ZNF652: variants seen among roughly 807,000 people sequenced by gnomAD.
ZNF652 encodes the protein zinc finger protein 652.
In ZNF652, 16 loss-of-function variants were observed where a neutral mutation model predicts 45.2. The observed-to-expected ratio is 0.35, with a 90% CI of 0.24 to 0.54. The LOEUF (loss-of-function observed/expected upper bound fraction) is 0.54, where lower values mean the gene tolerates loss of function less well. Ranked by LOEUF, ZNF652 falls within the 20% of genes least tolerant of loss-of-function variation. The probability of loss-of-function intolerance (pLI) is 0.91; values close to 1 mark genes in which losing one functional copy is unlikely to be tolerated. For missense variants in ZNF652, 614 were observed against 765.6 expected (o/e 0.80, Z 2.34); for synonymous variants, 250 against 260.6 (o/e 0.96, Z 0.39).
intron 5 of ZNF652, among the ~76,000 whole-genome samples, chr17:49,300,026 C>A (rs1030978520): frequency 2.0e-5 from 3 of 152,118 alleles, no homozygotes; most frequent in Non-Finnish European, 4.4e-5. Context: ...TAAGAATTTT[C>A]TGAAAATGTC....
At position 49,310,331 on chromosome 17, in the gene ZNF652, C is replaced by G. The variant is rs534068501; in HGVS notation, c.1309+981G>C. ...CTGTGATTAGATTTTATTTAGAAAC[C>G]TGAAAAATGTTTCATCCTGTTCAAT... On this transcript the variant is annotated intron_variant, in intron 5 of 5. Transcript: ENST00000430262. Among the ~76,000 whole-genome samples the G allele has an allele frequency of 1.1e-4, 16 of 152,282 alleles. No individual in the cohort carries two copies. In the East Asian group the frequency reaches 3.1e-3, roughly 29 times the overall value.
intron 5 of ZNF652, among the ~76,000 whole-genome samples, chr17:49,302,534 C>G (rs1047855706): frequency 6.6e-6 from 1 of 151,862 alleles, no homozygotes; most frequent in Non-Finnish European, 1.5e-5. Context: ...GTAATCTGCC[C>G]GCCTCGGCCT....
chr17:49,329,624 T>C (rs1161984534), intron 1 of ZNF652, among the ~76,000 whole-genome samples: 5 of 152,236 alleles, frequency 3.3e-5, no homozygotes, highest in Non-Finnish European at 7.3e-5. Flanking sequence ...AAGCAGTCCA[T>C]CTAATCCACT....
At chr17:49,288,952 A>G (rs928766445), downstream of ZNF652, among the ~76,000 whole-genome samples, 8 of 152,302 alleles carry the variant, frequency 5.3e-5, no homozygotes, top group African/African-American at 1.9e-4. Flanking sequence ...TGTTACTGAA[A>G]CCAAACAGCG....
intron 1 of ZNF652, among the ~76,000 whole-genome samples, chr17:49,344,801 G>A (rs553836630): frequency 1.4e-4 from 21 of 152,044 alleles, no homozygotes; most frequent in Non-Finnish European, 2.5e-4. Flanking sequence ...GATTACAGGC[G>A]TGAGCCACCA....
At chr17:49,339,835 G>C in intron 1 of ZNF652, among the ~76,000 whole-genome samples, 1 of 152,222 alleles carries the variant, frequency 6.6e-6, no homozygotes, top group Non-Finnish European at 1.5e-5. Flanking sequence ...TAAAAGCCAA[G>C]AGATTCTTCT....
intron 5 of ZNF652, among the ~76,000 whole-genome samples, chr17:49,300,974 A>G (rs1205860604): frequency 6.6e-6 from 1 of 152,240 alleles, no homozygotes; most frequent in East Asian, 1.9e-4. Flanking sequence ...TGTTTTTGAC[A>G]TATAAACCAC....
At chr17:49,318,420 A>C (rs2143805437) in intron 1 of ZNF652, among the ~76,000 whole-genome samples, 1 of 152,268 alleles carries the variant, frequency 6.6e-6, no homozygotes, top group East Asian at 1.9e-4. Flanking sequence ...TAACTGCTTA[A>C]ATGTTTCAGT....
intron 1 of ZNF652, among the ~76,000 whole-genome samples, chr17:49,352,123 G>GT (rs1467189638): frequency 1.1e-4 from 16 of 152,130 alleles, no homozygotes; most frequent in Non-Finnish European, 1.9e-4. Flanking sequence ...TCACAATACT[G>GT]TTTAACTCCA....
chr17:49,317,079 C>T lies in ZNF652; in HGVS notation c.647G>A (p.Ser216Asn), dbSNP rs2143798270. The T allele has an allele frequency of 3.7e-6, 6 of 1,614,168 alleles. No homozygotes were observed. Among genetic ancestry groups the T allele is most frequent in the South Asian group, 3.3e-5 (3 of 91,074 alleles). Residue 216 changes from serine to asparagine, a missense_variant, in exon 2 of 6, where the codon AGT (serine) becomes AAT (asparagine). By Grantham distance (46) the Ser-to-Asn change is conservative. Around this residue, in one of 5 missense-constraint regions of ZNF652, gnomAD observed 262 missense variants for 306.3 expected, o/e 0.86. Coordinates refer to ENST00000430262, the MANE Select transcript of ZNF652 (RefSeq NM_001145365.3). ...CTTCTTACGCTTAGGTGGCTCTACA[C>T]TCTTCCTACGACCTCTTGTAGTTCT... ...TPRTTRGRRK[S>N]VEPPKRKKRA... is the part of the protein sequence containing the mutation.
rs553075442 is a variant in ZNF652 at position 49,292,132 on chromosome 17, T to C, written c.*6281A>G. Reference sequence around the variant, plus strand: ...GAGATTTTAAGTCAGAAAGGAAAAATGCTGACTAAGGCCCAAATGCTCAAC... The same window carrying C: ...GAGATTTTAAGTCAGAAAGGAAAAACGCTGACTAAGGCCCAAATGCTCAAC... On this transcript the variant is annotated 3_prime_UTR_variant, in exon 6 of 6. Transcript: ENST00000430262. Among the ~76,000 whole-genome samples the C allele has an allele frequency of 3.8e-4, 58 of 152,180 alleles. No individual in the cohort carries two copies. The highest frequency in any genetic ancestry group is 1.2e-3 in the African/African-American group (51 of 41,530).
intron 1 of ZNF652, among the ~76,000 whole-genome samples, chr17:49,332,587 C>T (rs2070036414): frequency 6.6e-6 from 1 of 152,178 alleles, no homozygotes; most frequent in South Asian, 2.1e-4. Context: ...CTCTAGGGGT[C>T]CCAAAACCCC....
intron 5 of ZNF652, among the ~76,000 whole-genome samples, chr17:49,301,182 C>T (rs1284694026): frequency 6.6e-6 from 1 of 152,218 alleles, no homozygotes; most frequent in Non-Finnish European, 1.5e-5. Context: ...AACTGACATC[C>T]CCTATGGCCT....
intron 4 of ZNF652, 115 bp downstream of exon 4, chr17:49,311,812 G>A: frequency 1.2e-6 from 1 of 842,792 alleles, no homozygotes; most frequent in Non-Finnish European, 1.9e-6. Context: ...ATGTCTGAAA[G>A]TTCTGTGGAA....
chr17:49,335,019 T>C (rs1181772673), intron 1 of ZNF652, among the ~76,000 whole-genome samples: 3 of 151,966 alleles, frequency 2.0e-5, no homozygotes, highest in Non-Finnish European at 4.4e-5. Flanking sequence ...TTGGGGGCAA[T>C]GAAAATGTTC....
chr17:49,348,635 C>G (rs902153109), intron 1 of ZNF652, among the ~76,000 whole-genome samples: 2 of 152,022 alleles, frequency 1.3e-5, no homozygotes, highest in East Asian at 1.9e-4. Flanking sequence ...CTAATTCAAA[C>G]AAACTGAAAA....
chr17:49,340,195 A>T (rs1227549835), intron 1 of ZNF652, among the ~76,000 whole-genome samples: 1 of 152,158 alleles, frequency 6.6e-6, no homozygotes, highest in Non-Finnish European at 1.5e-5. Context: ...CGGGCGGATT[A>T]CTTGAGGCCA....
At chr17:49,346,509 C>A (rs1293667937) in intron 1 of ZNF652, among the ~76,000 whole-genome samples, 1 of 152,164 alleles carries the variant, frequency 6.6e-6, no homozygotes, top group Non-Finnish European at 1.5e-5. Flanking sequence ...TGAGATCATA[C>A]CACTGTACTC....
intron 5 of ZNF652, among the ~76,000 whole-genome samples, chr17:49,300,394 T>C (rs775389932): frequency 2.0e-5 from 3 of 152,188 alleles, no homozygotes; most frequent in Non-Finnish European, 4.4e-5. Context: ...CAGAATCCCA[T>C]AGTTCTTAGA....
Sources: allele counts gnomAD v4.1 joint callset (sites outside exome capture counted in the v4.1 genomes callset), GRCh38; gene constraint gnomAD v4.1.1; regional missense constraint gnomAD v4.1.1; transcripts MANE v1.5; gene names NCBI Gene and HGNC (gene_info 2026-07-23, HGNC 2026-07-21).